The following SLIT3 variants were observed in gnomAD, a reference collection of about 807,000 sequenced individuals.
SLIT3 encodes slit guidance ligand 3, also known as slit homolog 3 protein.
A neutral mutation model predicts 184.0 loss-of-function variants in SLIT3; 68 were observed. The observed-to-expected ratio is 0.37, with a 90% CI of 0.30 to 0.45. The LOEUF is 0.45. SLIT3 is among the 20% of genes least tolerant of loss of function. The pLI, the probability that SLIT3 is intolerant of heterozygous loss-of-function variation, is 1.00. For missense variants in SLIT3, 1,707 were observed against 2,026.0 expected (o/e 0.84, Z 3.02); for synonymous variants, 831 against 828.6 (o/e 1.00, Z -0.05).
At position 168,671,106 on chromosome 5, in the gene SLIT3, C is replaced by T. The variant is rs1188400336; in HGVS notation, c.4127+92G>A. The T allele has an allele frequency of 5.7e-6, 8 of 1,413,360 alleles. No homozygotes were observed. The African/African-American group carries it at 9.9e-5, about 17-fold the overall frequency. 87.6% of individuals were successfully genotyped at this position (1,413,360 alleles called of 1,614,324 possible). A position where few individuals can be genotyped will look rare whatever the true frequency, so the allele number is the denominator to read the frequency against. On this transcript the variant is annotated intron_variant, in intron 34 of 35. Coordinates refer to ENST00000519560, the MANE Select transcript of SLIT3 (RefSeq NM_003062.4). ...ATCTGCGGTCTGACTGCAACTCCTC[C>T]AGCCTCCAGTAGTGCCTATTTCTCA...
At chr5:169,110,398 A>C (rs1055093704) in intron 4 of SLIT3, among the ~76,000 whole-genome samples, 3 of 152,106 alleles carry the variant, frequency 2.0e-5, no homozygotes, top group African/African-American at 2.4e-5. Context: ...TCCAAAATCA[A>C]GGTGTTGGCA....
chr5:169,112,167 A>T (rs113881780), intron 4 of SLIT3, among the ~76,000 whole-genome samples: 11 of 152,188 alleles, frequency 7.2e-5, no homozygotes, highest in African/African-American at 2.4e-4. Flanking sequence ...TGAAGGCTCA[A>T]TGGGGGCAGG....
intron 28 of SLIT3, 112 bp downstream of exon 28, chr5:168,696,180 C>A: frequency 7.4e-7 from 1 of 1,352,674 alleles, no homozygotes; most frequent in Non-Finnish European, 1.0e-6. Flanking sequence ...GTCTTGGGGT[C>A]TTAGTCTCTG....
intron 20 of SLIT3, among the ~76,000 whole-genome samples, chr5:168,733,799 T>TA (rs1491060377): frequency 8.5e-6 from 1 of 117,552 alleles, no homozygotes; most frequent in Non-Finnish European, 1.8e-5. Flanking sequence ...TAAAAAAAAA[T>TA]TAAAAAAAAA....
Position 168,762,779 on chromosome 5 carries a change from G to C in SLIT3, c.1460-90C>G, listed in dbSNP as rs937933928. ...GTAGTGGGGGTGGGAGACAGAGATGGGGGAATGAGTTGGGGGCTGTTAGGG... is the reference window on the plus strand; with the variant it reads ...GTAGTGGGGGTGGGAGACAGAGATGCGGGAATGAGTTGGGGGCTGTTAGGG... On this transcript the variant is annotated intron_variant, in intron 14 of 35. Transcript: ENST00000519560. 3 of 1,349,738 alleles carry C rather than the reference G, an allele frequency of 2.2e-6. No homozygotes were observed. In the East Asian group the frequency reaches 7.0e-5, roughly 31 times the overall value. The allele number at this position is 1,349,738 out of a possible 1,614,324, so 83.6% of individuals were successfully genotyped here. A position where few individuals can be genotyped will look rare whatever the true frequency, so the allele number is the denominator to read the frequency against.
intron 4 of SLIT3, among the ~76,000 whole-genome samples, chr5:169,021,270 G>A (rs758449787): frequency 1.3e-5 from 2 of 152,172 alleles, no homozygotes; most frequent in Non-Finnish European, 2.9e-5. Flanking sequence ...TTAAGGGATG[G>A]GCAAGGGGCA....
chr5:168,823,584 G>C (rs1266422765), intron 6 of SLIT3, among the ~76,000 whole-genome samples: 1 of 152,160 alleles, frequency 6.6e-6, no homozygotes, highest in Non-Finnish European at 1.5e-5. Context: ...CCTTGAGTAA[G>C]AGTATCGCTT....
chr5:168,834,851 A>G (rs186197060), intron 6 of SLIT3, among the ~76,000 whole-genome samples: 89 of 152,178 alleles, frequency 5.8e-4, no homozygotes, highest in Middle Eastern at 3.4e-3. Flanking sequence ...AGGGAAGCAG[A>G]CCTGGTGGGA....
chr5:168,934,442 A>T (rs1162334262), intron 4 of SLIT3, among the ~76,000 whole-genome samples: 2 of 152,256 alleles, frequency 1.3e-5, no homozygotes, highest in Admixed American at 6.5e-5. Flanking sequence ...TCATCCATTA[A>T]TTCTACTGAT....
At chr5:169,146,418 A>T (rs975441358) in intron 4 of SLIT3, among the ~76,000 whole-genome samples, 2 of 152,154 alleles carry the variant, frequency 1.3e-5, no homozygotes, top group Admixed American at 6.5e-5. Context: ...ACGGAGCCTG[A>T]TGCCTCCCGG....
chr5:168,871,437 C>T (rs1759514872), intron 5 of SLIT3, among the ~76,000 whole-genome samples: 1 of 152,078 alleles, frequency 6.6e-6, no homozygotes, highest in Non-Finnish European at 1.5e-5. Context: ...TCTTTTCGTC[C>T]TTTCCATGTC....
chr5:168,778,623 G>A (rs1480191703), intron 12 of SLIT3, among the ~76,000 whole-genome samples: 3 of 152,236 alleles, frequency 2.0e-5, no homozygotes, highest in Non-Finnish European at 4.4e-5. Context: ...TACGAGGCAA[G>A]GCTTCCCCCT....
intron 10 of SLIT3, chr5:168,790,876 A>C (rs1173119893): frequency 6.6e-6 from 1 of 152,144 alleles, no homozygotes; most frequent in Non-Finnish European, 1.5e-5. Flanking sequence ...CCATGCCACA[A>C]CCTTTGCTGA....
chr5:169,015,140 A>G (rs1053237787), intron 4 of SLIT3, among the ~76,000 whole-genome samples: 4 of 152,098 alleles, frequency 2.6e-5, no homozygotes, highest in African/African-American at 9.7e-5. Context: ...ATGAGTTGAT[A>G]TATTTGGCTC....
chr5:169,125,408 G>A (rs1359435639), intron 4 of SLIT3, among the ~76,000 whole-genome samples: 1 of 152,210 alleles, frequency 6.6e-6, no homozygotes, highest in Non-Finnish European at 1.5e-5. Flanking sequence ...CTTCTCGCTG[G>A]AAACAAAAGC....
intron 4 of SLIT3, among the ~76,000 whole-genome samples, chr5:168,970,424 G>A (rs1270654914): frequency 1.3e-5 from 2 of 152,080 alleles, no homozygotes; most frequent in African/African-American, 2.4e-5. Context: ...GAACCCCGCA[G>A]GCGGAGGTTG....
intron 4 of SLIT3, among the ~76,000 whole-genome samples, chr5:168,917,926 T>G (rs574335537): frequency 2.0e-5 from 3 of 152,302 alleles, no homozygotes; most frequent in South Asian, 4.1e-4. Flanking sequence ...CCCAAGTCTC[T>G]CTCCCTTCAT....
chr5:168,728,021 T>C (rs913327321), intron 20 of SLIT3, among the ~76,000 whole-genome samples: 1 of 152,058 alleles, frequency 6.6e-6, no homozygotes, highest in Admixed American at 6.5e-5. Flanking sequence ...GGAAGGGGTA[T>C]GACCTGAGAT....
chr5:168,974,182 C>T (rs1012087603), intron 4 of SLIT3, among the ~76,000 whole-genome samples: 2 of 152,196 alleles, frequency 1.3e-5, no homozygotes, highest in Admixed American at 6.5e-5. Flanking sequence ...CACACAACTA[C>T]TTTGCAGCGT....
Sources: gnomAD v4.1 joint callset for allele counts (sites outside exome capture counted in the v4.1 genomes callset) on GRCh38, gnomAD v4.1.1 for gene constraint, MANE v1.5 for transcripts, NCBI Gene and HGNC (gene_info 2026-07-23, HGNC 2026-07-21) for gene names.